COL4A4: variants seen among roughly 807,000 people sequenced by gnomAD.
COL4A4 encodes collagen alpha-4(IV) chain.
Under a neutral mutation model 192.9 loss-of-function variants are expected in COL4A4, and 105 were observed. The ratio of observed to expected loss-of-function variants is 0.54; its 90% CI spans 0.46 to 0.64. The LOEUF is 0.64. Ranked by LOEUF, COL4A4 falls within the 30% of genes least tolerant of loss-of-function variation. COL4A4 has a pLI of 0.00. For missense variants in COL4A4, 1,967 were observed against 2,169.3 expected (o/e 0.91, Z 1.85); for synonymous variants, 762 against 769.9 (o/e 0.99, Z 0.17).
intron 35 of COL4A4, among the ~76,000 whole-genome samples, chr2:227,044,304 A>G (rs1212363847): frequency 6.6e-6 from 1 of 152,216 alleles, no homozygotes; most frequent in African/African-American, 2.4e-5. Context: ...AAAGAGGATG[A>G]CTATTTCCCC....
chr2:227,101,013 T>C (rs2150766806), intron 17 of COL4A4, among the ~76,000 whole-genome samples: 1 of 152,254 alleles, frequency 6.6e-6, no homozygotes, highest in East Asian at 1.9e-4. Context: ...TTTCACTGTG[T>C]TAGCCAGGAT....
Position 227,069,354 on chromosome 2 carries a change from T to C in COL4A4, c.1988-6756A>G, listed in dbSNP as rs867204172. Among the ~76,000 whole-genome samples the C allele has an allele frequency of 1.8e-3, 267 of 152,170 alleles. 5 individuals are homozygous for C. The Middle Eastern group carries it at 0.061, about 35-fold the overall frequency. On this transcript the variant is annotated intron_variant, in intron 25 of 47. Coordinates refer to ENST00000396625, the MANE Select transcript of COL4A4 (RefSeq NM_000092.5). The stretch of plus-strand genomic sequence containing the variant: ...GCTACCAATGACTTTCTTCACAGAA[T>C]TGGAAAAAAACTACTTTAAAGTTCA...
Position 227,105,917 on chromosome 2 carries a change from A to G in COL4A4, c.736-1865T>C, listed in dbSNP as rs35756653. Among the ~76,000 whole-genome samples, 811 of 152,198 alleles carry G rather than the reference A, an allele frequency of 5.3e-3. 4 individuals carry two copies. The highest frequency in any genetic ancestry group is 8.4e-3 in the Non-Finnish European group (571 of 68,010). On this transcript the variant is annotated intron_variant, in intron 12 of 47. Transcript: ENST00000396625. ...ATTACCTACCTCAAACTATTCTTCC[A>G]TTGAATAGATAATATACATAAAATG...
At chr2:226,994,575 G>C in the COL4A4 span, among the ~76,000 whole-genome samples, 8 of 152,108 alleles carry the variant, frequency 5.3e-5, no homozygotes, top group Non-Finnish European at 1.2e-4. Flanking sequence ...CAGCCTTTTT[G>C]GTCCCCATGC....
At chr2:227,095,387 C>T (rs951282984) in intron 19 of COL4A4, among the ~76,000 whole-genome samples, 3 of 152,172 alleles carry the variant, frequency 2.0e-5, no homozygotes, top group African/African-American at 7.2e-5. Flanking sequence ...GTTTATTTAA[C>T]TTATTGAGCA....
chr2:227,064,987 C>T (rs1407397900), intron 25 of COL4A4, among the ~76,000 whole-genome samples: 3 of 152,228 alleles, frequency 2.0e-5, no homozygotes, highest in East Asian at 1.9e-4. Context: ...GGGTTCATCT[C>T]ACTAGGGAGT....
At position 227,090,078 on chromosome 2, in the gene COL4A4, C is replaced by T. The variant is rs1040579417; in HGVS notation, c.1370-121G>A. On this transcript the variant is annotated intron_variant, in intron 20 of 47. Transcript: ENST00000396625. Reference sequence around the variant, plus strand: ...ACGTGCTTCCTTTCCCAACCCCATTCTTTGCGCCCTTGTTTTCCTAGGATT... The same window carrying T: ...ACGTGCTTCCTTTCCCAACCCCATTTTTTGCGCCCTTGTTTTCCTAGGATT... The T allele has an allele frequency of 1.0e-5, 7 of 686,540 alleles. 1 individual carries two copies. In the South Asian group the frequency reaches 1.2e-4, roughly 12 times the overall value. 42.5% of individuals were successfully genotyped at this position (686,540 alleles called of 1,614,324 possible). A position where few individuals can be genotyped will look rare whatever the true frequency, so the allele number is the denominator to read the frequency against.
intron 25 of COL4A4, among the ~76,000 whole-genome samples, chr2:227,073,430 T>C (rs2058832803): frequency 6.6e-6 from 1 of 152,128 alleles, no homozygotes; most frequent in African/African-American, 2.4e-5. Context: ...CCAGTGTTTA[T>C]GGATTGGGAT....
At chr2:227,031,842 C>T (rs1331754764) in intron 40 of COL4A4, 103 bp downstream of exon 40, 3 of 870,224 alleles carry the variant, frequency 3.4e-6, no homozygotes, top group East Asian at 2.6e-5. Context: ...TGGGGGGCTG[C>T]TTCAGTGCTT....
chr2:227,084,890 G>A (rs1053919752), intron 22 of COL4A4, among the ~76,000 whole-genome samples: 1 of 152,150 alleles, frequency 6.6e-6, no homozygotes, highest in African/African-American at 2.4e-5. Flanking sequence ...CCAGCACTTT[G>A]GGAGGCTGAA....
intron 37 of COL4A4, among the ~76,000 whole-genome samples, chr2:227,041,848 GAGAAAGAAAGAAAGAAAGAAAGAAAGAA>G (rs71036154): frequency 5.2e-5 from 2 of 38,692 alleles, no homozygotes; most frequent in African/African-American, 1.2e-4. Context: ...AAGAAAGAAA[GAGAAAGAAAGAAAGAAAGAAAGAAAGAA>G]AGAAAGAAAG....
At position 227,006,540 on chromosome 2, in the gene COL4A4, C is replaced by T. The variant is rs1242923663; in HGVS notation, c.*785G>A. ...CTAATAGCTTTTAGGCTCCTAATCT[C>T]TTATTGAATATTTTTTTTCCATAAT... is the stretch of plus-strand genomic sequence containing the variant. On this transcript the variant is annotated 3_prime_UTR_variant, in exon 48 of 48. Coordinates refer to ENST00000396625, the MANE Select transcript of COL4A4 (RefSeq NM_000092.5). 3.2e-5 allele frequency: 4 copies of T among 125,894 alleles called. No homozygotes were observed. Among genetic ancestry groups the T allele is most frequent in the African/African-American group, 1.4e-4 (4 of 29,614 alleles). The allele number at this position is 125,894 out of a possible 1,614,324, so 7.8% of individuals were successfully genotyped here.
downstream of COL4A4, among the ~76,000 whole-genome samples, chr2:227,000,781 A>C (rs1331912290): frequency 6.7e-6 from 1 of 150,262 alleles, no homozygotes; most frequent in Non-Finnish European, 1.5e-5. Context: ...ATGGGAGGGG[A>C]CTCGGTGGGA....
chr2:226,980,302 C>G, the COL4A4 span, among the ~76,000 whole-genome samples: 1 of 152,154 alleles, frequency 6.6e-6, no homozygotes, highest in Non-Finnish European at 1.5e-5. Context: ...AACCCATGCC[C>G]TACTCTCGTT....
chr2:227,111,853 G>T, intron 8 of COL4A4, 140 bp from the exon 9 acceptor site: 1 of 838,036 alleles, frequency 1.2e-6, no homozygotes, highest in Non-Finnish European at 2.0e-6. Context: ...GACTAAAATT[G>T]AGGAAGGGAT....
rs2061397001 is a variant in COL4A4, at chr2:227,114,695, C to T, written c.491G>A (p.Gly164Asp). ...RGALGPGGPL[G>D]HPGEKGEKGN... ...TTTTTCTCCCTTTTCCCCAGGATGG[C>T]CCTGAAAATAAAATATGTATGTACT... Residue 164 changes from glycine (G) to aspartate (D), a missense_variant and splice_region_variant, in exon 8 of 48, where the codon GGC (glycine) becomes GAC (aspartate). By Grantham distance (94) the Gly-to-Asp change is moderately conservative (BLOSUM62 -1). Transcript: ENST00000396625. 6.2e-7 allele frequency: 1 copy of T among 1,612,792 alleles called. No homozygotes were observed. The highest frequency in any genetic ancestry group is 8.5e-7 in the Non-Finnish European group (1 of 1,178,876).
At chr2:227,055,695 G>A (rs745438643) in intron 30 of COL4A4, among the ~76,000 whole-genome samples, 12 of 151,966 alleles carry the variant, frequency 7.9e-5, no homozygotes, top group East Asian at 1.9e-4. Context: ...GGAGTTTACC[G>A]TGCTACCCAG....
chr2:227,016,553 G>A (rs1964906271), intron 44 of COL4A4, among the ~76,000 whole-genome samples: 1 of 152,146 alleles, frequency 6.6e-6, no homozygotes, highest in Non-Finnish European at 1.5e-5. Flanking sequence ...AAGATCATCT[G>A]GCTCCAAAGC....
chr2:227,127,089 C>T (rs2062133458), intron 4 of COL4A4, among the ~76,000 whole-genome samples: 1 of 152,214 alleles, frequency 6.6e-6, no homozygotes, highest in Non-Finnish European at 1.5e-5. Context: ...TGCTATAAAA[C>T]AAGTTGCTGT....
Sources: gnomAD v4.1 joint callset for allele counts (sites outside exome capture counted in the v4.1 genomes callset) on GRCh38, gnomAD v4.1.1 for gene constraint, MANE v1.5 for transcripts, NCBI Gene and HGNC (gene_info 2026-07-23, HGNC 2026-07-21) for gene names.